Variants in CAV3 observed in about 807,000 individuals in gnomAD.
The protein encoded by CAV3 is caveolin 3.
CAV3 carries 10 observed loss-of-function variants against 13.4 expected under a neutral mutation model. That is an observed-to-expected ratio of 0.75 (90% CI 0.46 to 1.27). CAV3 has a LOEUF of 1.27. Ranked by LOEUF, CAV3 falls within the 50% of genes most tolerant of loss-of-function variation. The probability of loss-of-function intolerance (pLI) is 0.00; values close to 1 mark genes in which losing one functional copy is unlikely to be tolerated. For synonymous variants in CAV3, 90 were observed against 79.0 expected (o/e 1.14, Z -0.74); for missense variants, 162 against 194.0 (o/e 0.83, Z 0.98).
Position 8,745,160 on chromosome 3 carries a change from T to A in CAV3, c.115-366T>A. The A allele has an allele frequency of 3.7e-6, 1 of 272,140 alleles. No individual in the cohort carries two copies. The highest frequency in any genetic ancestry group is 7.2e-6 in the Non-Finnish European group (1 of 138,550). 16.9% of individuals were successfully genotyped at this position (272,140 alleles called of 1,614,324 possible). ...CTCATAAGATCTGGTTGTTGTAAAG[T>A]GTGGCACTCCACCCCCTGCCCAGCT... is the stretch of plus-strand genomic sequence containing the variant. On this transcript the variant is annotated intron_variant, in intron 1 of 1. Coordinates refer to ENST00000343849, the MANE Select transcript of CAV3 (RefSeq NM_033337.3). The surrounding 1 kb of genome is among the most constrained non-coding windows in gnomAD (Gnocchi z 4.8).
chr3:8,734,012 C>T (rs200656453), intron 1 of CAV3, 22 bp downstream of exon 1: 25 of 1,413,050 alleles, frequency 1.8e-5, no homozygotes, highest in Middle Eastern at 1.8e-4. Context: ...AGGCCTGCCT[C>T]GGCGGGCGGA....
intron 1 of CAV3, chr3:8,742,658 G>A (rs1039168758): frequency 2.5e-6 from 1 of 404,860 alleles, no homozygotes; most frequent in African/African-American, 2.0e-5. Context: ...GCCAGGCATT[G>A]TGCTAAGCAC....
In CAV3 at chr3:8,745,579, C is replaced by A. The variant is rs116840774; in HGVS notation, c.168C>A (p.Gly56=). The A allele has an allele frequency of 5.6e-6, 9 of 1,613,968 alleles. No homozygotes were observed. In the Middle Eastern group the frequency reaches 4.9e-4, roughly 88 times the overall value. Residue 56 remains glycine, a synonymous_variant, in exon 2 of 2, where the codon GGC becomes GGA. Transcript: ENST00000343849. This position sits in a 1 kb window ranked among gnomAD's most constrained non-coding sequence, Gnocchi z 4.8. The part of the protein sequence containing the change: ...AEPVGTYSFD[G]VWKVSYTTFT... Reference sequence around the variant, plus strand: ...CTGTGGGCACCTACAGCTTTGACGGCGTGTGGAAGGTGAGCTACACCACCT... The same window carrying A: ...CTGTGGGCACCTACAGCTTTGACGGAGTGTGGAAGGTGAGCTACACCACCT...
At chr3:8,739,635 AAG>A (rs1415991996) in intron 1 of CAV3, among the ~76,000 whole-genome samples, 3 of 151,872 alleles carry the variant, frequency 2.0e-5, no homozygotes, top group African/African-American at 7.3e-5. Flanking sequence ...AAAAAAAAAA[AAG>A]AGTTTCACGC....
At chr3:8,737,846 C>T (rs894408897) in intron 1 of CAV3, among the ~76,000 whole-genome samples, 1 of 152,022 alleles carries the variant, frequency 6.6e-6, no homozygotes, top group Non-Finnish European at 1.5e-5. Flanking sequence ...CCAAGGTTGC[C>T]TCAACCTTCA....
At chr3:8,735,364 C>G (rs1183520600) in intron 1 of CAV3, among the ~76,000 whole-genome samples, 1 of 152,176 alleles carries the variant, frequency 6.6e-6, no homozygotes, top group East Asian at 1.9e-4. Flanking sequence ...AGTGTGCTTC[C>G]TATACCCACA....
chr3:8,745,413 C>T lies in CAV3; in HGVS notation c.115-113C>T, dbSNP rs1708121152. 3 of 781,252 alleles carry T rather than the reference C, an allele frequency of 3.8e-6. No homozygotes were observed. The highest frequency in any genetic ancestry group is 2.0e-5 in the Admixed American group (1 of 50,650). The allele number at this position is 781,252 out of a possible 1,614,324, so 48.4% of individuals were successfully genotyped here. On this transcript the variant is annotated intron_variant, in intron 1 of 1. Coordinates refer to ENST00000343849, the MANE Select transcript of CAV3 (RefSeq NM_033337.3). This position sits in a 1 kb window ranked among gnomAD's most constrained non-coding sequence, Gnocchi z 4.8. ...ATAGCCTAATACAGGTAGGGTCCAGCCACCAAGGTTAACCTGACCTCTAGG... is the reference window on the plus strand; with the variant it reads ...ATAGCCTAATACAGGTAGGGTCCAGTCACCAAGGTTAACCTGACCTCTAGG...
intron 1 of CAV3, among the ~76,000 whole-genome samples, chr3:8,741,538 T>C (rs149723447): frequency 1.1e-3 from 171 of 151,660 alleles, no homozygotes; most frequent in African/African-American, 3.5e-3. Flanking sequence ...CTGTGTAGAG[T>C]TGAAAAAAGA....
chr3:8,734,042 C>T (rs371027663), intron 1 of CAV3, 52 bp downstream of exon 1: 46 of 1,015,150 alleles, frequency 4.5e-5, no homozygotes, highest in South Asian at 1.5e-4. Context: ...GTTTGCGAGA[C>T]GTGGGCGCTT....
In CAV3 at chr3:8,740,712, G is replaced by A. The variant is rs368505855; in HGVS notation, c.115-4814G>A. On this transcript the variant is annotated intron_variant, in intron 1 of 1. Transcript: ENST00000343849. The stretch of plus-strand genomic sequence containing the variant: ...GAGAGGCTGGAGGGAACTAGGATGG[G>A]GGTAGATATATGGTCCTACCTAGGA... Among the ~76,000 whole-genome samples the A allele has an allele frequency of 2.0e-5, 3 of 152,294 alleles. No individual in the cohort carries two copies. In the South Asian group the frequency reaches 6.2e-4, roughly 32 times the overall value.
intron 1 of CAV3, among the ~76,000 whole-genome samples, chr3:8,742,075 T>C (rs1389943763): frequency 6.6e-6 from 1 of 152,062 alleles, no homozygotes; most frequent in Non-Finnish European, 1.5e-5. Context: ...TGGAAAGGAA[T>C]TAAGAAATGA....
intron 1 of CAV3, among the ~76,000 whole-genome samples, chr3:8,742,109 T>C (rs1161720180): frequency 6.6e-6 from 1 of 152,128 alleles, no homozygotes; most frequent in African/African-American, 2.4e-5. Context: ...TTGTGCTGCA[T>C]GGTACAGCTG....
intron 1 of CAV3, among the ~76,000 whole-genome samples, chr3:8,743,404 C>G (rs1438250935): frequency 6.6e-6 from 1 of 152,094 alleles, no homozygotes; most frequent in Non-Finnish European, 1.5e-5. Flanking sequence ...TCCCAGCCAG[C>G]CACCACCTCC....
intron 1 of CAV3, among the ~76,000 whole-genome samples, chr3:8,743,372 C>T (rs181474411): frequency 4.4e-4 from 67 of 152,202 alleles, no homozygotes; most frequent in Admixed American, 2.0e-3. Context: ...CATCCCTGTT[C>T]CAATCCCGAA....
chr3:8,739,911 C>G (rs894799634), intron 1 of CAV3, among the ~76,000 whole-genome samples: 1 of 152,028 alleles, frequency 6.6e-6, no homozygotes, highest in African/African-American at 2.4e-5. Context: ...GTGGCTGAGG[C>G]TGCAATCACC....
At position 8,733,931 on chromosome 3, in the gene CAV3, T is replaced by C. The variant is rs760170984; in HGVS notation, c.55T>C (p.Cys19Arg). The C allele has an allele frequency of 6.8e-6, 11 of 1,613,610 alleles. No individual in the cohort carries two copies. The South Asian group carries it at 8.8e-5, about 13-fold the overall frequency. ...LEAQIVKDIH[C>R]KEIDLVNRDP... Reference sequence around the variant, plus strand: ...GGCCCAGATCGTCAAGGATATCCACTGCAAGGAGATTGACCTGGTGAACCG... The same window carrying C: ...GGCCCAGATCGTCAAGGATATCCACCGCAAGGAGATTGACCTGGTGAACCG... Residue 19 changes from cysteine to arginine, a missense_variant, in exon 1 of 2, where the codon TGC becomes CGC. Transcript: ENST00000343849.
chr3:8,736,610 G>A (rs1381228673), intron 1 of CAV3, among the ~76,000 whole-genome samples: 1 of 152,240 alleles, frequency 6.6e-6, no homozygotes, highest in Non-Finnish European at 1.5e-5. Flanking sequence ...ATCCCTCTGA[G>A]CCAGGAGGGA....
chr3:8,740,208 C>T (rs1284712465), intron 1 of CAV3, among the ~76,000 whole-genome samples: 1 of 152,186 alleles, frequency 6.6e-6, no homozygotes, highest in Non-Finnish European at 1.5e-5. Flanking sequence ...TTTCTGAAGG[C>T]TTAGTTCTAG....
At chr3:8,734,661 C>T (rs1431135351) in intron 1 of CAV3, among the ~76,000 whole-genome samples, 6 of 152,200 alleles carry the variant, frequency 3.9e-5, no homozygotes, top group Non-Finnish European at 7.3e-5. Context: ...GTGACACTAG[C>T]GGCCCTGCTG....
Sources: allele counts gnomAD v4.1 joint callset (sites outside exome capture counted in the v4.1 genomes callset), GRCh38; gene constraint gnomAD v4.1.1; non-coding constraint Gnocchi (gnomAD v3.1); transcripts MANE v1.5; gene names NCBI Gene and HGNC (gene_info 2026-07-23, HGNC 2026-07-21).